The following SPPL2C variants were observed in gnomAD, a reference collection of about 807,000 sequenced individuals.
The protein encoded by SPPL2C is signal peptide peptidase like 2C.
SPPL2C carries 33 observed loss-of-function variants against 38.8 expected under a neutral mutation model. The ratio of observed to expected loss-of-function variants is 0.85; its 90% CI spans 0.64 to 1.14. The LOEUF (loss-of-function observed/expected upper bound fraction) is 1.14. Ranked by LOEUF, SPPL2C falls within the 50% of genes most tolerant of loss-of-function variation. SPPL2C has a pLI of 0.00. For missense variants in SPPL2C, 899 were observed against 904.4 expected (o/e 0.99, Z 0.08); for synonymous variants, 384 against 390.7 (o/e 0.98, Z 0.20).
In SPPL2C at chr17:45,847,063, A is replaced by T; in HGVS notation, c.*102A>T. The T allele has an allele frequency of 1.6e-6, 2 of 1,219,740 alleles. No homozygotes were observed. The highest frequency in any genetic ancestry group is 4.8e-5 in the East Asian group (2 of 41,736). 75.6% of individuals were successfully genotyped at this position (1,219,740 alleles called of 1,614,324 possible). ...AATCAGGGTATCAAAGAGATTTCATATCTACCCAAGGAGTCTCTCTGTTTG... is the reference window on the plus strand; with the variant it reads ...AATCAGGGTATCAAAGAGATTTCATTTCTACCCAAGGAGTCTCTCTGTTTG... On this transcript the variant is annotated 3_prime_UTR_variant, in exon 1 of 1. Transcript: ENST00000329196.
Position 45,845,368 on chromosome 17 carries a change from C to T in SPPL2C, c.462C>T (p.His154=). ...ADLTIPVAML[H]YADMLDILSH... ...TCACCATCCCTGTGGCTATGCTCCA[C>T]TATGCTGACATGCTGGACATCCTCA... is the stretch of plus-strand genomic sequence containing the variant. Residue 154 remains histidine, a synonymous_variant, in exon 1 of 1, where the codon CAC becomes CAT. Transcript: ENST00000329196. The T allele has an allele frequency of 6.2e-7, 1 of 1,613,976 alleles. No homozygotes were observed. The highest frequency in any genetic ancestry group is 2.2e-5 in the East Asian group (1 of 44,890).
rs766507689 is a variant in SPPL2C, at chr17:45,844,972, A to G, written c.66A>G (p.Gly22=). The change falls in exon 1 of 1, where the codon GGA becomes GGG. Residue 22 remains glycine, a synonymous_variant. Transcript: ENST00000329196. The stretch of plus-strand genomic sequence containing the variant: ...TCCTCATCAGCACCGTGGCCGGGGG[A>G]AAGTACGGCGTGGCCCACGTGGTGT... ...FLLLISTVAG[G]KYGVAHVVSE... is the part of the protein sequence containing the mutation. The G allele has an allele frequency of 6.2e-7, 1 of 1,613,950 alleles. No homozygotes were observed. The highest frequency in any genetic ancestry group is 1.1e-5 in the South Asian group (1 of 91,074).
chr17:45,846,341 G>A lies in SPPL2C; in HGVS notation c.1435G>A (p.Ala479Thr). The change falls in exon 1 of 1, where the codon GCC (alanine) becomes ACC (threonine). Residue 479 changes from alanine (A) to threonine (T), a missense_variant. Coordinates refer to ENST00000329196, the MANE Select transcript of SPPL2C (RefSeq NM_175882.3). ...GATCTACTTCGTGGCCTGCACCGTG[G>A]CCTATGCTGTGGGCCTGCTGGTCAC... Reference protein sequence around the residue: ...RQIYFVACTVAYAVGLLVTFM... With the variant: ...RQIYFVACTVTYAVGLLVTFM... 1 of 1,614,052 alleles carries A rather than the reference G, an allele frequency of 6.2e-7. No individual in the cohort carries two copies. Among genetic ancestry groups the A allele is most frequent in the Non-Finnish European group, 8.5e-7 (1 of 1,180,046 alleles).
Position 45,845,647 on chromosome 17 carries a change from C to T in SPPL2C, c.741C>T (p.Ile247=), listed in dbSNP as rs369440162. The T allele has an allele frequency of 2.5e-6, 4 of 1,613,540 alleles. No individual in the cohort carries two copies. Among genetic ancestry groups the T allele is most frequent in the African/African-American group, 2.7e-5 (2 of 74,956 alleles). The change falls in exon 1 of 1, where the codon ATC becomes ATT. Residue 247 remains isoleucine (I), a synonymous_variant. Transcript: ENST00000329196. ...CCCAGAAGGAAGATAATGAGGACAT[C>T]CCAGTGGACTTCACGCCGGCCATGA... ...EGAQKEDNED[I]PVDFTPAMTG...
At position 45,846,624 on chromosome 17, in the gene SPPL2C, A is replaced by G. The variant is rs2062549887; in HGVS notation, c.1718A>G (p.Asp573Gly). The G allele has an allele frequency of 6.2e-7, 1 of 1,614,094 alleles. No individual in the cohort carries two copies. Among genetic ancestry groups the G allele is most frequent in the Admixed American group, 1.7e-5 (1 of 60,008 alleles). ...RGTSRGAGDL[D>G]SNPGEDTTEI... Reference sequence around the variant, plus strand: ...ACCAGCCGAGGAGCAGGGGACTTAGACAGCAACCCTGGAGAAGACACCACT... The same window carrying G: ...ACCAGCCGAGGAGCAGGGGACTTAGGCAGCAACCCTGGAGAAGACACCACT... The change falls in exon 1 of 1, where the codon GAC becomes GGC. Residue 573 changes from aspartate to glycine, a missense_variant. Physicochemically the swap from Asp to Gly is moderately conservative, Grantham distance 94 (BLOSUM62 -1). Transcript: ENST00000329196.
chr17:45,845,308 G>C lies in SPPL2C; in HGVS notation c.402G>C (p.Leu134=). Residue 134 remains leucine (L), a synonymous_variant, in exon 1 of 1, where the codon CTG becomes CTC. Coordinates refer to ENST00000329196, the MANE Select transcript of SPPL2C (RefSeq NM_175882.3). ...VSDQQCSDTT[L]APQDPRQPLA... is the part of the protein sequence containing the mutation. ...ACCAACAGTGCTCAGACACCACCCTGGCACCCCAGGATCCCCGCCAGCCCC... is the reference window on the plus strand; with the variant it reads ...ACCAACAGTGCTCAGACACCACCCTCGCACCCCAGGATCCCCGCCAGCCCC... The C allele has an allele frequency of 6.2e-7, 1 of 1,613,938 alleles. No individual in the cohort carries two copies. Among genetic ancestry groups the C allele is most frequent in the Non-Finnish European group, 8.5e-7 (1 of 1,179,994 alleles).
Position 45,845,468 on chromosome 17 carries a change from CT to C in SPPL2C, c.563del (p.Leu188ArgfsTer20). Reference sequence around the variant, plus strand: ...AGAGCCCATCATCGACTACAACATGCTGGTCATCTTCATCCTGGCTGTGGGC... The same window carrying C: ...AGAGCCCATCATCGACTACAACATGCGGTCATCTTCATCCTGGCTGTGGGC... Reference protein sequence around the residue: ...PPEPIIDYNMLVIFILAVGTV... With the variant: ...PPEPIIDYNMXVIFILAVGTV... On this transcript the variant is annotated frameshift_variant, in exon 1 of 1. Coordinates refer to ENST00000329196, the MANE Select transcript of SPPL2C (RefSeq NM_175882.3). LOFTEE classifies it high-confidence loss of function. 1 of 1,609,572 alleles carries C rather than the reference CT, an allele frequency of 6.2e-7. No homozygotes were observed. Among genetic ancestry groups the C allele is most frequent in the Non-Finnish European group, 8.5e-7 (1 of 1,179,548 alleles).
chr17:45,845,113 G>A lies in SPPL2C; in HGVS notation c.207G>A (p.Trp69Ter). The A allele has an allele frequency of 6.2e-7, 1 of 1,612,224 alleles. No homozygotes were observed. ...LPLYDGTKAP[W>*]CPGEDSPHQA... ...TGTATGATGGCACCAAGGCACCCTGGTGCCCGGGTGAGGATTCCCCCCACC... is the reference window on the plus strand; with the variant it reads ...TGTATGATGGCACCAAGGCACCCTGATGCCCGGGTGAGGATTCCCCCCACC... The change falls in exon 1 of 1, where the codon TGG becomes TGA. Residue 69 changes from tryptophan (W) to a stop codon, truncating the protein, a stop_gained. Transcript: ENST00000329196. LOFTEE classifies it high-confidence loss of function.
chr17:45,847,061 A>G lies in SPPL2C; in HGVS notation c.*100A>G, dbSNP rs1320474568. 3.3e-6 allele frequency: 4 copies of G among 1,222,404 alleles called. No homozygotes were observed. Among genetic ancestry groups the G allele is most frequent in the South Asian group, 3.0e-5 (2 of 65,724 alleles). The allele number at this position is 1,222,404 out of a possible 1,614,324, so 75.7% of individuals were successfully genotyped here. A position where few individuals can be genotyped will look rare whatever the true frequency, so the allele number is the denominator to read the frequency against. On this transcript the variant is annotated 3_prime_UTR_variant, in exon 1 of 1. Transcript: ENST00000329196. ...GAAATCAGGGTATCAAAGAGATTTCATATCTACCCAAGGAGTCTCTCTGTT... is the reference window on the plus strand; with the variant it reads ...GAAATCAGGGTATCAAAGAGATTTCGTATCTACCCAAGGAGTCTCTCTGTT...
rs777384863 is a variant in SPPL2C at position 45,846,633 on chromosome 17, C to T, written c.1727C>T (p.Pro576Leu). Residue 576 changes from proline (P) to leucine (L), a missense_variant, in exon 1 of 1, where the codon CCT becomes CTT. Physicochemically the swap from Pro to Leu is moderately conservative, Grantham distance 98. Transcript: ENST00000329196. ...SRGAGDLDSNPGEDTTEIVTI... is the reference protein window; with the variant it reads ...SRGAGDLDSNLGEDTTEIVTI... The stretch of plus-strand genomic sequence containing the variant: ...GGAGCAGGGGACTTAGACAGCAACC[C>T]TGGAGAAGACACCACTGAGATTGTC... 3 of 1,614,242 alleles carry T rather than the reference C, an allele frequency of 1.9e-6. No individual in the cohort carries two copies. The highest frequency in any genetic ancestry group is 2.5e-6 in the Non-Finnish European group (3 of 1,180,048).
rs762655911 is a variant in SPPL2C, at chr17:45,846,243, T to G, written c.1337T>G (p.Phe446Cys). Residue 446 changes from phenylalanine (F) to cysteine (C), a missense_variant, in exon 1 of 1, where the codon TTC becomes TGC. Phe to Cys is a radical substitution (Grantham distance 205). Transcript: ENST00000329196. The stretch of plus-strand genomic sequence containing the variant: ...AGCCAGCCCTTCTCCATCCTTGGCT[T>G]CGGTGACATTGTGGTCCCCGGCTTC... ...LCSQPFSILG[F>C]GDIVVPGFLV... The G allele has an allele frequency of 6.2e-7, 1 of 1,614,214 alleles. No individual in the cohort carries two copies.
Position 45,845,943 on chromosome 17 carries a change from G to C in SPPL2C, c.1037G>C (p.Arg346Pro), listed in dbSNP as rs779097529. The C allele has an allele frequency of 2.6e-5, 42 of 1,609,578 alleles. No homozygotes were observed. Among genetic ancestry groups the C allele is most frequent in the Non-Finnish European group, 3.3e-5 (39 of 1,180,004 alleles). The change falls in exon 1 of 1, where the codon CGC (arginine) becomes CCC (proline). Residue 346 changes from arginine (R) to proline (P), a missense_variant. Physicochemically the swap from Arg to Pro is moderately radical, Grantham distance 103. Transcript: ENST00000329196. ...TGGGTGGCCTACCGCAATGAGGACCGCTGGGCGTGGCTCCTGCAGGACACA... is the reference window on the plus strand; with the variant it reads ...TGGGTGGCCTACCGCAATGAGGACCCCTGGGCGTGGCTCCTGCAGGACACA... ...IFWVAYRNEDRWAWLLQDTLG... is the reference protein window; with the variant it reads ...IFWVAYRNEDPWAWLLQDTLG...
At position 45,846,598 on chromosome 17, in the gene SPPL2C, C is replaced by T. The variant is rs1350316668; in HGVS notation, c.1692C>T (p.Gly564=). 6.2e-7 allele frequency: 1 copy of T among 1,613,976 alleles called. No homozygotes were observed. Among genetic ancestry groups the T allele is most frequent in the East Asian group, 2.2e-5 (1 of 44,890 alleles). Reference sequence around the variant, plus strand: ...ACACAGCCAGCACACTTGAGAGAGGCACCAGCCGAGGAGCAGGGGACTTAG... The same window carrying T: ...ACACAGCCAGCACACTTGAGAGAGGTACCAGCCGAGGAGCAGGGGACTTAG... The part of the protein sequence containing the change: ...DAHTASTLER[G]TSRGAGDLDS... The change falls in exon 1 of 1, where the codon GGC becomes GGT. Residue 564 remains glycine (G), a synonymous_variant. Coordinates refer to ENST00000329196, the MANE Select transcript of SPPL2C (RefSeq NM_175882.3).
chr17:45,845,009 A>G lies in SPPL2C; in HGVS notation c.103A>G (p.Ser35Gly). Residue 35 changes from serine to glycine, a missense_variant, in exon 1 of 1, where the codon AGC becomes GGC. Coordinates refer to ENST00000329196, the MANE Select transcript of SPPL2C (RefSeq NM_175882.3). ...GVAHVVSENW[S>G]KDYCILFSSD... is the part of the protein sequence containing the mutation. ...GGCCCACGTGGTGTCGGAGAATTGG[A>G]GCAAGGACTACTGTATCCTGTTCAG... 1 of 1,614,026 alleles carries G rather than the reference A, an allele frequency of 6.2e-7. No homozygotes were observed. Among genetic ancestry groups the G allele is most frequent in the East Asian group, 2.2e-5 (1 of 44,858 alleles).
rs774213292 is a variant in SPPL2C, at chr17:45,845,450, A to G, written c.544A>G (p.Ile182Val). ...GGCCATGTACGCACCCCCAGAGCCC[A>G]TCATCGACTACAACATGCTGGTCAT... ...RVAMYAPPEP[I>V]IDYNMLVIFI... The change falls in exon 1 of 1, where the codon ATC (isoleucine) becomes GTC (valine). Residue 182 changes from isoleucine to valine, a missense_variant. Physicochemically the swap from Ile to Val is conservative, Grantham distance 29. Transcript: ENST00000329196. 2 of 1,611,280 alleles carry G rather than the reference A, an allele frequency of 1.2e-6. No individual in the cohort carries two copies. Among genetic ancestry groups the G allele is most frequent in the Middle Eastern group, 1.7e-4 (1 of 6,060 alleles).
In SPPL2C at chr17:45,845,103, A is replaced by C. The variant is rs1253497554; in HGVS notation, c.197A>C (p.Lys66Thr). 1.2e-6 allele frequency: 2 copies of C among 1,613,082 alleles called. No individual in the cohort carries two copies. The highest frequency in any genetic ancestry group is 2.7e-5 in the African/African-American group (2 of 74,894). The change falls in exon 1 of 1, where the codon AAG becomes ACG. Residue 66 changes from lysine (K) to threonine (T), a missense_variant. Coordinates refer to ENST00000329196, the MANE Select transcript of SPPL2C (RefSeq NM_175882.3). ...APLLPLYDGT[K>T]APWCPGEDSP... ...CTCCTGCCCCTGTATGATGGCACCA[A>C]GGCACCCTGGTGCCCGGGTGAGGAT...
Position 45,845,562 on chromosome 17 carries a change from G to T in SPPL2C, c.656G>T (p.Arg219Leu). The change falls in exon 1 of 1, where the codon CGA becomes CTA. Residue 219 changes from arginine (R) to leucine (L), a missense_variant. Coordinates refer to ENST00000329196, the MANE Select transcript of SPPL2C (RefSeq NM_175882.3). ...EANRLQRRRA[R>L]RGGGSGGHHQ... ...AACCGGCTACAGCGGCGCCGTGCCC[G>T]AAGAGGAGGGGGGTCTGGTGGTCAC... The T allele has an allele frequency of 6.2e-7, 1 of 1,603,058 alleles. No individual in the cohort carries two copies.
In SPPL2C at chr17:45,845,529, C is replaced by T. The variant is rs1198506546; in HGVS notation, c.623C>T (p.Thr208Ile). 22 of 1,599,944 alleles carry T rather than the reference C, an allele frequency of 1.4e-5. No individual in the cohort carries two copies. Among genetic ancestry groups the T allele is most frequent in the Non-Finnish European group, 1.7e-5 (20 of 1,174,638 alleles). Reference sequence around the variant, plus strand: ...GCAGGCGGCTACTGGGCCGGCCTGACCGAAGCCAACCGGCTACAGCGGCGC... The same window carrying T: ...GCAGGCGGCTACTGGGCCGGCCTGATCGAAGCCAACCGGCTACAGCGGCGC... The part of the protein sequence containing the change: ...VAAGGYWAGL[T>I]EANRLQRRRA... The change falls in exon 1 of 1, where the codon ACC becomes ATC. Residue 208 changes from threonine (T) to isoleucine (I), a missense_variant. Thr to Ile is a moderately conservative substitution (Grantham distance 89, BLOSUM62 -1). Coordinates refer to ENST00000329196, the MANE Select transcript of SPPL2C (RefSeq NM_175882.3).
Position 45,846,803 on chromosome 17 carries a change from A to G in SPPL2C, c.1897A>G (p.Met633Val). 5.0e-6 allele frequency: 8 copies of G among 1,614,026 alleles called. No individual in the cohort carries two copies. The highest frequency in any genetic ancestry group is 6.8e-6 in the Non-Finnish European group (8 of 1,179,966). The change falls in exon 1 of 1, where the codon ATG becomes GTG. Residue 633 changes from methionine to valine, a missense_variant. Physicochemically the swap from Met to Val is conservative, Grantham distance 21. Transcript: ENST00000329196. ...EELMPLMPMAMLIPLMPLMPP... is the reference protein window; with the variant it reads ...EELMPLMPMAVLIPLMPLMPP... The stretch of plus-strand genomic sequence containing the variant: ...GCTGATGCCACTGATGCCAATGGCC[A>G]TGCTGATCCCACTCATGCCCCTGAT...
Sources: allele counts gnomAD v4.1 joint callset, GRCh38; gene constraint gnomAD v4.1.1; transcripts MANE v1.5; gene names NCBI Gene and HGNC (gene_info 2026-07-23, HGNC 2026-07-21).